The following CD109 variants were observed in gnomAD, a reference collection of about 807,000 sequenced individuals.
CD109 encodes the protein CD109 molecule.
Under a neutral mutation model 165.8 loss-of-function variants are expected in CD109, and 149 were observed. The observed-to-expected ratio is 0.90, with a 90% confidence interval of 0.79 to 1.03. The LOEUF is 1.03. CD109 is among the 50% of genes least tolerant of loss of function. The pLI, the probability that CD109 is intolerant of heterozygous loss-of-function variation, is 0.00. For missense variants in CD109, 1,712 were observed against 1,677.8 expected, an observed-to-expected ratio of 1.02 and a Z score of -0.36; for synonymous variants, 585 against 592.1, an observed-to-expected ratio of 0.99 and a Z score of 0.18.
intron 22 of CD109, among the ~76,000 whole-genome samples, chr6:73,791,136 C>CACACACAT (rs1478783898): frequency 1.8e-5 from 1 of 56,346 alleles, no homozygotes; most frequent in African/African-American, 9.6e-5. Context: ...TACATACATA[C>CACACACAT]ATATATATAT....
intron 30 of CD109, among the ~76,000 whole-genome samples, chr6:73,815,337 G>A (rs938944718): frequency 2.0e-5 from 3 of 152,076 alleles, no homozygotes; most frequent in Non-Finnish European, 4.4e-5. Flanking sequence ...TTCCCTGGAC[G>A]TATAACACAT....
In CD109 at chr6:73,785,945, A is replaced by G. The variant is rs141246104; in HGVS notation, c.2337+468A>G. ...CTGCAACTTCCACCTCACAGGTTCA[A>G]GTGATTCTCCTGCCTCAGCCTCCGA... On this transcript the variant is annotated intron_variant, in intron 20 of 32. Coordinates refer to ENST00000287097, the MANE Select transcript of CD109 (RefSeq NM_133493.5). Among the ~76,000 whole-genome samples, 434 of 151,856 alleles carry G rather than the reference A, an allele frequency of 2.9e-3. 2 individuals are homozygous for G. The highest frequency in any genetic ancestry group is 1.0e-2 in the African/African-American group (414 of 41,412).
intron 23 of CD109, among the ~76,000 whole-genome samples, chr6:73,794,002 C>A (rs1323675845): frequency 2.6e-5 from 4 of 152,090 alleles, no homozygotes; most frequent in African/African-American, 9.7e-5. Flanking sequence ...CTAATTTCTC[C>A]ATAGGAGAAT....
chr6:73,785,776 TC>T (rs1350178430), intron 20 of CD109, among the ~76,000 whole-genome samples: 1 of 152,076 alleles, frequency 6.6e-6, no homozygotes. Context: ...CCCTGCATTT[TC>T]CCCTGGTTTT....
At chr6:73,746,752 G>T (rs1772998025) in intron 5 of CD109, among the ~76,000 whole-genome samples, 1 of 152,044 alleles carries the variant, frequency 6.6e-6, no homozygotes, top group East Asian at 1.9e-4. Context: ...TCTATGTCTT[G>T]GTCATTGGTT....
At chr6:73,780,285 T>C in intron 15 of CD109, 139 bp from the exon 16 acceptor site, 1 of 702,718 alleles carries the variant, frequency 1.4e-6, no homozygotes, top group Non-Finnish European at 2.6e-6. Flanking sequence ...AACAAAGCAA[T>C]TACATATTCA....
At chr6:73,783,091 T>G (rs1442737481) in intron 18 of CD109, among the ~76,000 whole-genome samples, 6 of 152,038 alleles carry the variant, frequency 3.9e-5, no homozygotes, top group African/African-American at 1.2e-4. Flanking sequence ...GAAGCACTCA[T>G]GATTACCTCC....
chr6:73,808,069 T>G lies in CD109; in HGVS notation c.3190-14T>G. On this transcript the variant is annotated splice_polypyrimidine_tract_variant and intron_variant, in intron 25 of 32. Coordinates refer to ENST00000287097, the MANE Select transcript of CD109 (RefSeq NM_133493.5). Reference sequence around the variant, plus strand: ...TACTCTGAATAGTAAAAAACATACTTTTTTTCTTCCAAGCCTAACATTGAT... The same window carrying G: ...TACTCTGAATAGTAAAAAACATACTGTTTTTCTTCCAAGCCTAACATTGAT... 6.2e-7 allele frequency: 1 copy of G among 1,610,504 alleles called. No individual in the cohort carries two copies. Among genetic ancestry groups the G allele is most frequent in the Non-Finnish European group, 8.5e-7 (1 of 1,178,700 alleles).
rs889179590 is a variant in CD109 at position 73,794,449 on chromosome 6, G to T, written c.2878+1647G>T. Among the ~76,000 whole-genome samples the T allele has an allele frequency of 3.3e-5, 5 of 152,262 alleles. No homozygotes were observed. The South Asian group carries it at 1.0e-3, about 32-fold the overall frequency. On this transcript the variant is annotated intron_variant, in intron 23 of 32. Transcript: ENST00000287097. ...ATAAAATATTAAGGGAGGAACATGGGGTCCTGTAGAGAAGGAGGCACCAAA... is the reference window on the plus strand; with the variant it reads ...ATAAAATATTAAGGGAGGAACATGGTGTCCTGTAGAGAAGGAGGCACCAAA...
chr6:73,698,718 G>T (rs1770948887), intron 2 of CD109, among the ~76,000 whole-genome samples: 1 of 152,208 alleles, frequency 6.6e-6, no homozygotes, highest in African/African-American at 2.4e-5. Context: ...GATGGTGTGT[G>T]TAGGGGCAAG....
intron 26 of CD109, among the ~76,000 whole-genome samples, chr6:73,808,552 G>A (rs1444029919): frequency 3.3e-5 from 5 of 152,010 alleles, no homozygotes; most frequent in African/African-American, 4.8e-5. Context: ...TAAGACCTTG[G>A]GTTCTGGAGA....
chr6:73,810,950 G>C, intron 27 of CD109, 42 bp from the exon 28 acceptor site: 1 of 1,575,638 alleles, frequency 6.3e-7, no homozygotes, highest in South Asian at 1.2e-5. Context: ...TGAAGACCTT[G>C]ATATATACTT....
chr6:73,741,347 T>C (rs1772778584), intron 5 of CD109, among the ~76,000 whole-genome samples: 1 of 152,230 alleles, frequency 6.6e-6, no homozygotes, highest in African/African-American at 2.4e-5. Flanking sequence ...ATTGCCCTGC[T>C]CTTTTTCATC....
chr6:73,774,399 T>C (rs752568702), intron 15 of CD109, among the ~76,000 whole-genome samples: 5 of 152,192 alleles, frequency 3.3e-5, no homozygotes, highest in Non-Finnish European at 7.3e-5. Flanking sequence ...GCTGCTTGCC[T>C]CTATTCAGTG....
intron 2 of CD109, among the ~76,000 whole-genome samples, chr6:73,714,345 C>T (rs936351082): frequency 6.6e-6 from 1 of 152,208 alleles, no homozygotes; most frequent in Non-Finnish European, 1.5e-5. Context: ...GACTGATTGA[C>T]GTGGGGTATG....
chr6:73,696,748 A>G (rs899698309), intron 1 of CD109, among the ~76,000 whole-genome samples: 2 of 152,190 alleles, frequency 1.3e-5, no homozygotes. Flanking sequence ...ACAGCACCCA[A>G]TAATGGCAAG....
intron 22 of CD109, among the ~76,000 whole-genome samples, chr6:73,791,202 T>TATATATATATACACATAC (rs1774949048): frequency 2.4e-5 from 3 of 123,574 alleles, no homozygotes; most frequent in African/African-American, 9.9e-5. Flanking sequence ...CATATATATA[T>TATATATATATACACATAC]ATATATATAT....
chr6:73,723,320 G>A, intron 3 of CD109, 41 bp downstream of exon 3: 2 of 1,377,434 alleles, frequency 1.5e-6, no homozygotes, highest in Non-Finnish European at 2.1e-6. Context: ...GAAATATATT[G>A]TATCAGTGAA....
At chr6:73,686,634 A>G in the CD109 span, among the ~76,000 whole-genome samples, 35 of 152,302 alleles carry the variant, frequency 2.3e-4, no homozygotes, top group African/African-American at 7.2e-4. Context: ...GCTACTTAAA[A>G]ATATAAATTA....
Sources: allele counts gnomAD v4.1 joint callset (sites outside exome capture counted in the v4.1 genomes callset), GRCh38; gene constraint gnomAD v4.1.1; transcripts MANE v1.5; gene names NCBI Gene and HGNC (gene_info 2026-07-23, HGNC 2026-07-21).